Variants in NPAS3 observed in about 807,000 individuals in gnomAD.
NPAS3 encodes the protein neuronal PAS domain-containing protein 3.
NPAS3 carries 14 observed loss-of-function variants against 73.1 expected under a neutral mutation model. The observed-to-expected ratio is 0.19, with a 90% CI of 0.13 to 0.30. The LOEUF is 0.30. Ranked by LOEUF, NPAS3 falls within the 10% of genes least tolerant of loss-of-function variation. The pLI, the probability that NPAS3 is intolerant of heterozygous loss-of-function variation, is 1.00. For missense variants in NPAS3, 1,096 were observed against 1,250.0 expected, an observed-to-expected ratio of 0.88 and a Z score of 1.86; for synonymous variants, 620 against 541.5, an observed-to-expected ratio of 1.14 and a Z score of -2.01.
At position 33,655,752 on chromosome 14, in the gene NPAS3, C is replaced by T. The variant is rs185501622; in HGVS notation, c.559-20459C>T. ...TTTGTTTCGTTTCTCCTGTAGTGGCCTTTTTGAAGAGTACAAGACTGCAAG... is the reference window on the plus strand; with the variant it reads ...TTTGTTTCGTTTCTCCTGTAGTGGCTTTTTTGAAGAGTACAAGACTGCAAG... On this transcript the variant is annotated intron_variant, in intron 5 of 11. Transcript: ENST00000356141. Among the ~76,000 whole-genome samples the T allele has an allele frequency of 1.1e-4, 17 of 152,088 alleles. No homozygotes were observed. The East Asian group carries it at 2.9e-3, about 26-fold the overall frequency.
At chr14:33,576,660 A>G (rs1032418301) in intron 5 of NPAS3, among the ~76,000 whole-genome samples, 1 of 152,210 alleles carries the variant, frequency 6.6e-6, no homozygotes, top group Non-Finnish European at 1.5e-5. Flanking sequence ...TCCGATTTTC[A>G]GATGTTCACC....
At chr14:33,543,208 T>A (rs964527247) in intron 4 of NPAS3, among the ~76,000 whole-genome samples, 2 of 152,130 alleles carry the variant, frequency 1.3e-5, no homozygotes, top group Non-Finnish European at 2.9e-5. Context: ...TGAGGAAGCT[T>A]AGGAACAGTC....
At chr14:33,680,452 TCTGTTC>T (rs774961233) in intron 6 of NPAS3, 29 of 614,884 alleles carry the variant, frequency 4.7e-5, no homozygotes, top group Admixed American at 1.7e-4. Context: ...AGATTTAGTT[TCTGTTC>T]CTGTTCCTGT....
chr14:33,047,699 T>C (rs572215493), intron 1 of NPAS3, among the ~76,000 whole-genome samples: 2 of 152,318 alleles, frequency 1.3e-5, no homozygotes, highest in African/African-American at 4.8e-5. Flanking sequence ...TTTTTTGGTT[T>C]TGTGGAATGC....
At chr14:33,442,430 A>T (rs900410145) in intron 4 of NPAS3, among the ~76,000 whole-genome samples, 55 of 152,204 alleles carry the variant, frequency 3.6e-4, no homozygotes, top group African/African-American at 1.1e-3. Context: ...AAAAAAAATT[A>T]AAAAACTACA....
chr14:33,492,076 A>G (rs1436366816), intron 4 of NPAS3, among the ~76,000 whole-genome samples: 2 of 152,162 alleles, frequency 1.3e-5, no homozygotes, highest in Non-Finnish European at 2.9e-5. Context: ...TCAAAGTGCT[A>G]TGCAAACATT....
At chr14:33,217,933 A>G (rs184933212) in intron 3 of NPAS3, among the ~76,000 whole-genome samples, 25 of 152,324 alleles carry the variant, frequency 1.6e-4, no homozygotes, top group African/African-American at 4.8e-4. Context: ...TTTGTTTTCT[A>G]TCACCATCAT....
chr14:33,073,892 T>A (rs1281149602), intron 2 of NPAS3, among the ~76,000 whole-genome samples: 1 of 152,198 alleles, frequency 6.6e-6, no homozygotes, highest in Non-Finnish European at 1.5e-5. Flanking sequence ...CTATATAAAT[T>A]TTTTATCTGC....
In NPAS3 at chr14:33,140,407, T is replaced by C. The variant is rs551913059; in HGVS notation, c.141-74775T>C. On this transcript the variant is annotated intron_variant, in intron 2 of 11. Coordinates refer to ENST00000356141, the Ensembl canonical transcript of NPAS3. Reference sequence around the variant, plus strand: ...CTATTTTGAGCTCATTTTGCTGTTTTTAGGGGTGAAAATGTAGAACATCAG... The same window carrying C: ...CTATTTTGAGCTCATTTTGCTGTTTCTAGGGGTGAAAATGTAGAACATCAG... Among the ~76,000 whole-genome samples the C allele has an allele frequency of 1.1e-4, 17 of 152,226 alleles. No individual in the cohort carries two copies. The East Asian group carries it at 3.1e-3, about 28-fold the overall frequency.
chr14:33,090,395 CAAAG>C (rs2042184157), intron 2 of NPAS3, among the ~76,000 whole-genome samples: 3 of 152,084 alleles, frequency 2.0e-5, no homozygotes, highest in South Asian at 4.1e-4. Flanking sequence ...TCAAAAGAGA[CAAAG>C]AAGGCCATTA....
intron 4 of NPAS3, among the ~76,000 whole-genome samples, chr14:33,475,675 A>G (rs1458964071): frequency 6.6e-6 from 1 of 152,148 alleles, no homozygotes; most frequent in Non-Finnish European, 1.5e-5. Flanking sequence ...TTGTTGAGGA[A>G]GTCTTCTTTG....
chr14:33,300,079 T>C (rs1468905085), intron 3 of NPAS3, among the ~76,000 whole-genome samples: 1 of 152,222 alleles, frequency 6.6e-6, no homozygotes, highest in African/African-American at 2.4e-5. Context: ...GCTTTGAGTA[T>C]CTTTCTTTGT....
chr14:33,572,645 C>T (rs1440142813), intron 5 of NPAS3, among the ~76,000 whole-genome samples: 5 of 152,144 alleles, frequency 3.3e-5, no homozygotes, highest in East Asian at 1.9e-4. Context: ...GGACGGTTTA[C>T]GTAACTGGCA....
rs374280322 is a variant in NPAS3, at chr14:33,282,140, T to C, written c.385+66714T>C. On this transcript the variant is annotated intron_variant, in intron 3 of 11. Coordinates refer to ENST00000356141, the Ensembl canonical transcript of NPAS3. ...ACTATATTAGAGTCCATAAAAAGCT[T>C]ACTCACGATTTAAAAACTGACTTTC... Among the ~76,000 whole-genome samples the C allele has an allele frequency of 3.9e-5, 6 of 152,216 alleles. 1 individual carries two copies. In the East Asian group the frequency reaches 9.6e-4, roughly 24 times the overall value.
intron 4 of NPAS3, among the ~76,000 whole-genome samples, chr14:33,550,504 G>A (rs1384283230): frequency 6.6e-6 from 1 of 152,218 alleles, no homozygotes; most frequent in Non-Finnish European, 1.5e-5. Context: ...CTTCTCATGT[G>A]TTACATAGTC....
intron 2 of NPAS3, among the ~76,000 whole-genome samples, chr14:33,097,083 A>C (rs975938031): frequency 6.6e-6 from 1 of 152,106 alleles, no homozygotes; most frequent in African/African-American, 2.4e-5. Context: ...CCCCCATTCT[A>C]AGAGTAATTC....
chr14:33,735,732 A>C (rs2061507897), intron 7 of NPAS3, among the ~76,000 whole-genome samples: 1 of 152,044 alleles, frequency 6.6e-6, no homozygotes, highest in Admixed American at 6.6e-5. Context: ...CTCTTTACAG[A>C]AAGGCTGTCC....
At chr14:33,675,773 C>T (rs930961302) in intron 5 of NPAS3, among the ~76,000 whole-genome samples, 5 of 152,082 alleles carry the variant, frequency 3.3e-5, no homozygotes, top group African/African-American at 1.2e-4. Context: ...TTAAGGAAAA[C>T]ACTCGACTGC....
intron 3 of NPAS3, among the ~76,000 whole-genome samples, chr14:33,278,565 A>T (rs1286340357): frequency 6.6e-6 from 1 of 152,138 alleles, no homozygotes; most frequent in African/African-American, 2.4e-5. Context: ...TGAAAGATAC[A>T]ACAAATATAT....
Sources: allele counts gnomAD v4.1 joint callset (sites outside exome capture counted in the v4.1 genomes callset), GRCh38; gene constraint gnomAD v4.1.1; transcripts MANE v1.5; gene names NCBI Gene and HGNC (gene_info 2026-07-23, HGNC 2026-07-21).